Variants in CCDC178 observed in about 807,000 individuals in gnomAD.
The protein encoded by CCDC178 is coiled-coil domain containing 178.
A neutral mutation model predicts 117.4 loss-of-function variants in CCDC178; 126 were observed. That is an observed-to-expected ratio of 1.07 (90% CI 0.93 to 1.24). The LOEUF is 1.24. CCDC178 is among the 50% of genes most tolerant of loss of function. CCDC178 has a pLI of 0.00. For missense variants in CCDC178, 1,030 were observed against 986.9 expected, an observed-to-expected ratio of 1.04 and a Z score of -0.59; for synonymous variants, 283 against 313.4, an observed-to-expected ratio of 0.90 and a Z score of 1.02.
intron 3 of CCDC178, among the ~76,000 whole-genome samples, chr18:33,398,148 C>A (rs899745698): frequency 5.1e-4 from 77 of 151,772 alleles, no homozygotes; most frequent in Non-Finnish European, 5.2e-4. Context: ...AGGGCCTTGT[C>A]CTTTAAATAT....
At chr18:33,283,824 C>T (rs72948814) in intron 12 of CCDC178, among the ~76,000 whole-genome samples, 6,901 of 152,238 alleles carry the variant, frequency 0.045, 192 homozygotes, top group East Asian at 0.13. Flanking sequence ...TAAATTAGTT[C>T]ATCGTTGTGG....
intron 20 of CCDC178, among the ~76,000 whole-genome samples, chr18:33,098,686 T>C (rs958536789): frequency 7.2e-5 from 11 of 152,174 alleles, no homozygotes; most frequent in Admixed American, 7.2e-4. Context: ...AATGTATTGT[T>C]AGTATTTATT....
intron 2 of CCDC178, among the ~76,000 whole-genome samples, chr18:33,415,410 A>C (rs547475818): frequency 6.6e-6 from 1 of 152,322 alleles, no homozygotes; most frequent in Admixed American, 6.5e-5. Context: ...AGGGATGTGG[A>C]TGAAGCTGGA....
chr18:33,280,295 T>C (rs1330919195), intron 12 of CCDC178, among the ~76,000 whole-genome samples: 1 of 152,122 alleles, frequency 6.6e-6, no homozygotes, highest in Non-Finnish European at 1.5e-5. Context: ...GGGTGAAGGA[T>C]ATGAACAGAC....
intron 11 of CCDC178, among the ~76,000 whole-genome samples, chr18:33,315,627 T>C (rs1242254963): frequency 1.3e-5 from 2 of 152,082 alleles, no homozygotes; most frequent in Non-Finnish European, 2.9e-5. Flanking sequence ...AGGGAAAAAA[T>C]TCACTCCTCT....
chr18:33,362,072 G>A (rs552306439), intron 6 of CCDC178, among the ~76,000 whole-genome samples: 1 of 151,762 alleles, frequency 6.6e-6, no homozygotes, highest in East Asian at 1.9e-4. Context: ...CGATGAATAA[G>A]TGAATAAAGA....
At chr18:33,131,496 A>T (rs1309232750) in intron 20 of CCDC178, among the ~76,000 whole-genome samples, 1 of 151,714 alleles carries the variant, frequency 6.6e-6, no homozygotes, top group Non-Finnish European at 1.5e-5. Flanking sequence ...AAAAAGAAAA[A>T]TTTTATTAAA....
At chr18:33,234,185 T>C (rs1304181470) in intron 15 of CCDC178, among the ~76,000 whole-genome samples, 3 of 152,172 alleles carry the variant, frequency 2.0e-5, no homozygotes, top group African/African-American at 7.2e-5. Context: ...ACTCTTCTGA[T>C]GCTTGACCAA....
intron 21 of CCDC178, among the ~76,000 whole-genome samples, chr18:33,047,206 C>G (rs2056660223): frequency 6.6e-6 from 1 of 152,022 alleles, no homozygotes; most frequent in African/African-American, 2.4e-5. Flanking sequence ...ATAATCAGAA[C>G]AGAACCAAAA....
intron 20 of CCDC178, among the ~76,000 whole-genome samples, chr18:33,120,574 T>C (rs1397034484): frequency 6.6e-6 from 1 of 152,120 alleles, no homozygotes; most frequent in Non-Finnish European, 1.5e-5. Flanking sequence ...TCAACCCACC[T>C]GGAAAAGAAC....
chr18:33,206,530 CAGA>C (rs1178559221), intron 20 of CCDC178, among the ~76,000 whole-genome samples: 1 of 151,672 alleles, frequency 6.6e-6, no homozygotes, highest in Admixed American at 6.6e-5. Context: ...ACTACATAAG[CAGA>C]AGAAGTAAAA....
chr18:33,131,363 C>T (rs1054891700), intron 20 of CCDC178, among the ~76,000 whole-genome samples: 1 of 151,210 alleles, frequency 6.6e-6, no homozygotes, highest in Non-Finnish European at 1.5e-5. Flanking sequence ...AATACTTGTT[C>T]GTTATAAACT....
intron 3 of CCDC178, among the ~76,000 whole-genome samples, chr18:33,411,295 T>C (rs1449543492): frequency 2.0e-5 from 3 of 152,202 alleles, no homozygotes; most frequent in African/African-American, 4.8e-5. Context: ...AAGCATCAGA[T>C]AGTAAAAATT....
At chr18:33,433,171 T>C (rs1032308421) in intron 2 of CCDC178, among the ~76,000 whole-genome samples, 1 of 152,166 alleles carries the variant, frequency 6.6e-6, no homozygotes, top group Non-Finnish European at 1.5e-5. Context: ...AAAATTCTAC[T>C]GAAAATTGTT....
At chr18:33,163,326 T>G (rs919974932) in intron 20 of CCDC178, among the ~76,000 whole-genome samples, 1 of 152,196 alleles carries the variant, frequency 6.6e-6, no homozygotes, top group Non-Finnish European at 1.5e-5. Context: ...CTGCCAACAC[T>G]CAATGACTAA....
intron 22 of CCDC178, among the ~76,000 whole-genome samples, chr18:32,943,615 G>A (rs1476483375): frequency 2.0e-5 from 3 of 152,248 alleles, no homozygotes; most frequent in Non-Finnish European, 4.4e-5. Flanking sequence ...AATACAATCA[G>A]CAGAGAGTAG....
At chr18:33,210,142 C>T (rs781531284) in intron 20 of CCDC178, among the ~76,000 whole-genome samples, 1 of 151,946 alleles carries the variant, frequency 6.6e-6, no homozygotes, top group Non-Finnish European at 1.5e-5. Context: ...ATATTTATTG[C>T]GTACTTCTGG....
At chr18:32,980,570 CAAAAAA>C (rs57402084) in intron 21 of CCDC178, among the ~76,000 whole-genome samples, 3 of 76,318 alleles carry the variant, frequency 3.9e-5, no homozygotes, top group East Asian at 4.4e-4. Flanking sequence ...GACTCCGTCT[CAAAAAA>C]AAAAAAAAAA....
intron 21 of CCDC178, among the ~76,000 whole-genome samples, chr18:33,030,792 G>T (rs2144859265): frequency 6.6e-6 from 1 of 152,264 alleles, no homozygotes; most frequent in African/African-American, 2.4e-5. Context: ...AAGATAGATA[G>T]ATAGATGTAG....
Sources: allele counts gnomAD v4.1 joint callset (sites outside exome capture counted in the v4.1 genomes callset), GRCh38; gene constraint gnomAD v4.1.1; transcripts MANE v1.5; gene names NCBI Gene and HGNC (gene_info 2026-07-23, HGNC 2026-07-21).